The following PHEX variants were observed in gnomAD, a reference collection of about 807,000 sequenced individuals.
PHEX encodes phosphate-regulating neutral endopeptidase PHEX.
Under a neutral mutation model 68.0 loss-of-function variants are expected in PHEX, and 16 were observed. That is an observed-to-expected ratio of 0.24 (90% CI 0.16 to 0.36). The LOEUF (loss-of-function observed/expected upper bound fraction) is 0.36, where lower values mean the gene tolerates loss of function less well. Ranked by LOEUF, PHEX falls within the 10% of genes least tolerant of loss-of-function variation. The pLI, the probability that PHEX is intolerant of heterozygous loss-of-function variation, is 1.00. For missense variants in PHEX, 480 were observed against 575.5 expected, an observed-to-expected ratio of 0.83 and a Z score of 1.70; for synonymous variants, 208 against 205.1, an observed-to-expected ratio of 1.01 and a Z score of -0.12.
intron 15 of PHEX, among the ~76,000 whole-genome samples, chrX:22,205,326 C>A (rs1205027310): frequency 1.8e-5 from 2 of 111,623 alleles, no homozygotes; most frequent in Non-Finnish European, 1.9e-5. Context: ...TGCAGGGATC[C>A]TAAATGAACA....
intron 6 of PHEX, among the ~76,000 whole-genome samples, chrX:22,091,768 G>A (rs758119395): frequency 4.5e-5 from 5 of 112,068 alleles, no homozygotes; most frequent in South Asian, 7.4e-4. Flanking sequence ...CTGAGACTTG[G>A]TGATTTATAA....
chrX:22,206,027 T>C (rs1407608096), intron 15 of PHEX, among the ~76,000 whole-genome samples: 1 of 112,303 alleles, frequency 8.9e-6, no homozygotes, highest in Admixed American at 9.4e-5. Context: ...TAAAACTGGC[T>C]GGACTATTTA....
chrX:22,035,807 A>G (rs1409344146), intron 1 of PHEX, among the ~76,000 whole-genome samples: 1 of 110,273 alleles, frequency 9.1e-6, no homozygotes, highest in Non-Finnish European at 1.9e-5. Flanking sequence ...GCTCCTAACC[A>G]TTCAAAAGTA....
intron 11 of PHEX, among the ~76,000 whole-genome samples, chrX:22,124,730 A>G (rs111883212): frequency 0.013 from 1,489 of 112,339 alleles, 23 homozygotes; most frequent in African/African-American, 0.046. Flanking sequence ...CATATCCAGC[A>G]AATAGAAATA....
chrX:22,091,757 C>A (rs750249387), intron 6 of PHEX, among the ~76,000 whole-genome samples: 2 of 112,069 alleles, frequency 1.8e-5, no homozygotes, highest in South Asian at 7.4e-4. Flanking sequence ...TAAAGACATA[C>A]CTGAGACTTG....
intron 13 of PHEX, among the ~76,000 whole-genome samples, chrX:22,173,164 C>T (rs922741879): frequency 8.9e-6 from 1 of 112,133 alleles, no homozygotes; most frequent in Admixed American, 9.4e-5. Context: ...TGTTAAAAAA[C>T]ACAAAACATT....
At chrX:22,041,265 C>CTCTCTATATATATATATA (rs1468778300) in intron 2 of PHEX, among the ~76,000 whole-genome samples, 5 of 72,817 alleles carry the variant, frequency 6.9e-5, no homozygotes, top group Admixed American at 1.6e-4. Context: ...CTCTCTCTCT[C>CTCTCTATATATATATATA]TATATATATA....
chrX:22,182,554 T>C (rs1933911940), intron 14 of PHEX, among the ~76,000 whole-genome samples: 1 of 110,648 alleles, frequency 9.0e-6, no homozygotes, highest in Non-Finnish European at 1.9e-5. Context: ...CCAGGTATTG[T>C]GATTGTTCAC....
chrX:22,090,114 A>C, intron 5 of PHEX, among the ~76,000 whole-genome samples: 1 of 112,209 alleles, frequency 8.9e-6, no homozygotes, highest in Non-Finnish European at 1.9e-5. Context: ...CCTCCCATTG[A>C]ATAAGGGAGA....
intron 14 of PHEX, among the ~76,000 whole-genome samples, chrX:22,185,297 A>G (rs183049230): frequency 3.6e-5 from 4 of 112,413 alleles, no homozygotes; most frequent in African/African-American, 1.3e-4. Flanking sequence ...TATACATGCA[A>G]TAAATTCATT....
At chrX:22,210,755 CAG>C (rs1408509737) in intron 15 of PHEX, among the ~76,000 whole-genome samples, 5 of 111,208 alleles carry the variant, frequency 4.5e-5, no homozygotes, top group Admixed American at 9.7e-5. Context: ...GTGAAACTGA[CAG>C]AGAACTAGTA....
chrX:22,156,097 G>A (rs73636810), intron 12 of PHEX, among the ~76,000 whole-genome samples: 17,176 of 111,470 alleles, frequency 0.15, 1,577 homozygotes, highest in African/African-American at 0.33. Flanking sequence ...CAAGAGAAAA[G>A]CAAAGTTTAT....
intron 11 of PHEX, among the ~76,000 whole-genome samples, chrX:22,132,002 C>T (rs182244411): frequency 8.9e-6 from 1 of 112,416 alleles, no homozygotes; most frequent in Admixed American, 9.4e-5. Flanking sequence ...GCACGTACAT[C>T]CTCACTATGG....
In PHEX at chrX:22,226,481, T is replaced by C; in HGVS notation, c.1938T>C (p.Asp646=). Residue 646 remains aspartate (D), a synonymous_variant, in exon 19 of 22, where the codon GAT becomes GAC. Transcript: ENST00000379374. ...GKRTLGENIA[D]NGGLREAFRA... ...GGACCCTGGGAGAAAATATTGCTGA[T>C]AATGGAGGCCTGCGGGAAGCTTTTA... The C allele has an allele frequency of 8.3e-7, 1 of 1,207,601 alleles. No homozygotes were observed. The highest frequency in any genetic ancestry group is 1.7e-5 in the African/African-American group (1 of 57,337).
intron 13 of PHEX, among the ~76,000 whole-genome samples, chrX:22,176,402 A>AAT (rs1174350162): frequency 0.013 from 732 of 57,729 alleles, 6 homozygotes; most frequent in Middle Eastern, 0.038. Context: ...AAAAAAAAAA[A>AAT]ATATATATAT....
intron 3 of PHEX, among the ~76,000 whole-genome samples, chrX:22,070,070 A>G (rs1392924907): frequency 1.8e-5 from 2 of 111,079 alleles, no homozygotes; most frequent in South Asian, 7.6e-4. Flanking sequence ...GAAAATCAAC[A>G]AGAGCTAAAA....
intron 12 of PHEX, among the ~76,000 whole-genome samples, chrX:22,156,401 G>T (rs1237686636): frequency 9.1e-6 from 1 of 109,472 alleles, no homozygotes; most frequent in African/African-American, 3.3e-5. Context: ...AATTCTTTTG[G>T]AAGTCTCTGC....
intron 9 of PHEX, 58 bp from the exon 10 acceptor site, chrX:22,111,409 G>T (rs1311569350): frequency 1.1e-6 from 1 of 916,044 alleles, no homozygotes; most frequent in African/African-American, 1.9e-5. Context: ...AAGATGTTCT[G>T]CAGAGCATCA....
chrX:22,132,911 G>C (rs899558538), intron 11 of PHEX, among the ~76,000 whole-genome samples: 2 of 109,310 alleles, frequency 1.8e-5, no homozygotes, highest in African/African-American at 6.7e-5. Flanking sequence ...TTTGGAGACA[G>C]GGTCTTGCTT....
Sources: allele counts gnomAD v4.1 joint callset (sites outside exome capture counted in the v4.1 genomes callset), GRCh38; gene constraint gnomAD v4.1.1; transcripts MANE v1.5; gene names NCBI Gene and HGNC (gene_info 2026-07-23, HGNC 2026-07-21).